Variants in CACNG7 observed in about 807,000 individuals in gnomAD.
The protein encoded by CACNG7 is voltage-dependent calcium channel gamma-7 subunit.
In CACNG7, 9 loss-of-function variants were observed where a neutral mutation model predicts 26.3. That is an observed-to-expected ratio of 0.34 (90% confidence interval 0.21 to 0.60). CACNG7 has a LOEUF of 0.60. Among genes scored for constraint, CACNG7 ranks in the 20% least tolerant of loss-of-function variants. CACNG7 has a pLI of 0.81. For synonymous variants in CACNG7, 170 were observed against 157.0 expected (o/e 1.08, Z -0.62); for missense variants, 297 against 380.4 (o/e 0.78, Z 1.82).
At chr19:53,933,868 C>A (rs901605648) in intron 4 of CACNG7, among the ~76,000 whole-genome samples, 1 of 151,834 alleles carries the variant, frequency 6.6e-6, no homozygotes, top group Admixed American at 6.6e-5. Context: ...GAATGTCCTG[C>A]ATCTTGGGTT....
In CACNG7 at chr19:53,915,400, A is replaced by G; in HGVS notation, c.319A>G (p.Ser107Gly). 6.2e-7 allele frequency: 1 copy of G among 1,613,524 alleles called. No homozygotes were observed. ...VRTATPFPMV[S>G]LFLVFTAFVI... ...CACGGCCACCCCCTTCCCCATGGTC[A>G]GCCTCTTCCTCGTGTTCACGGCCTT... The change falls in exon 4 of 6, where the codon AGC becomes GGC. Residue 107 changes from serine to glycine, a missense_variant. Coordinates refer to ENST00000391767, the MANE Select transcript of CACNG7 (RefSeq NM_031896.5).
chr19:53,934,342 G>A (rs768255680), intron 4 of CACNG7, among the ~76,000 whole-genome samples: 2 of 152,194 alleles, frequency 1.3e-5, no homozygotes, highest in Non-Finnish European at 2.9e-5. Context: ...CAGAGGTGCC[G>A]CTGCATACTT....
chr19:53,922,431 G>T (rs2068968567), intron 4 of CACNG7, among the ~76,000 whole-genome samples: 1 of 125,938 alleles, frequency 7.9e-6, no homozygotes, highest in African/African-American at 3.3e-5. Flanking sequence ...TCCCAGGTCT[G>T]GTCATTGGTG....
At chr19:53,911,715 G>T (rs1000646668) in intron 1 of CACNG7, among the ~76,000 whole-genome samples, 1 of 152,196 alleles carries the variant, frequency 6.6e-6, no homozygotes, top group Non-Finnish European at 1.5e-5. Flanking sequence ...ACAGGGCTGC[G>T]AGAGGACCAG....
At chr19:53,930,210 AT>A (rs200011995) in intron 4 of CACNG7, among the ~76,000 whole-genome samples, 12,776 of 136,306 alleles carry the variant, frequency 0.094, 1,626 homozygotes, top group African/African-American at 0.31. Context: ...CTACCTCACC[AT>A]TTTTTTTTTT....
intron 4 of CACNG7, among the ~76,000 whole-genome samples, chr19:53,922,075 T>C (rs1222216312): frequency 1.0e-5 from 1 of 99,160 alleles, no homozygotes; most frequent in Non-Finnish European, 1.9e-5. Context: ...GCCCCAGGTC[T>C]GGTATTGGTG....
In CACNG7 at chr19:53,914,441, C is replaced by T. The variant is rs1020625998; in HGVS notation, c.197-59C>T. 18 of 1,487,416 alleles carry T rather than the reference C, an allele frequency of 1.2e-5. No individual in the cohort carries two copies. The African/African-American group carries it at 2.4e-4, about 19-fold the overall frequency. The allele number at this position is 1,487,416 out of a possible 1,614,324, so 92.1% of individuals were successfully genotyped here. A position where few individuals can be genotyped will look rare whatever the true frequency, so the allele number is the denominator to read the frequency against. On this transcript the variant is annotated intron_variant, in intron 2 of 5. Coordinates refer to ENST00000391767, the MANE Select transcript of CACNG7 (RefSeq NM_031896.5). ...CCTCTATCTGTCCTGCCCCCACCCC[C>T]AGCCTCTCTAGAGCTTAGGAGCCTC...
At chr19:53,914,255 CA>C (rs1271009999) in intron 2 of CACNG7, among the ~76,000 whole-genome samples, 1 of 134,474 alleles carries the variant, frequency 7.4e-6, no homozygotes, top group Non-Finnish European at 1.5e-5. Context: ...GCCTGGGCAA[CA>C]GAGTGAGACT....
In CACNG7 at chr19:53,940,872, T is replaced by C. The variant is rs1266172713; in HGVS notation, c.425-598T>C. ...GAGTTTGAGACCAGCCTGGCCAACA[T>C]GGTGAAACCCCGTCTCTACTAAAAA... On this transcript the variant is annotated intron_variant, in intron 4 of 5. Coordinates refer to ENST00000391767, the MANE Select transcript of CACNG7 (RefSeq NM_031896.5). This position sits in a 1 kb window ranked among gnomAD's most constrained non-coding sequence, Gnocchi z 4.1. Among the ~76,000 whole-genome samples the C allele has an allele frequency of 6.6e-6, 1 of 151,436 alleles. No individual in the cohort carries two copies. Among genetic ancestry groups the C allele is most frequent in the South Asian group, 2.1e-4 (1 of 4,798 alleles).
intron 4 of CACNG7, among the ~76,000 whole-genome samples, chr19:53,933,738 AGACACAGATTGTCT>A (rs890556069): frequency 6.6e-6 from 1 of 150,640 alleles, no homozygotes; most frequent in Non-Finnish European, 1.5e-5. Context: ...TTACATCAAG[AGACACAGATTGTCT>A]GATTGTCTCT....
chr19:53,925,965 G>A (rs2069027887), intron 4 of CACNG7, among the ~76,000 whole-genome samples: 1 of 152,140 alleles, frequency 6.6e-6, no homozygotes, highest in Non-Finnish European at 1.5e-5. Flanking sequence ...GGTCATAAGA[G>A]GCATGTGCAT....
rs2068868733 is a variant in CACNG7, at chr19:53,912,784, T to C, written c.-29-19T>C. ...TGGTCGGTCCCATGGAGCTCTGCACTGTAGCTTCCCTTCCACAGGCCCCGC... is the reference window on the plus strand; with the variant it reads ...TGGTCGGTCCCATGGAGCTCTGCACCGTAGCTTCCCTTCCACAGGCCCCGC... On this transcript the variant is annotated intron_variant, in intron 1 of 5. Transcript: ENST00000391767. The surrounding 1 kb of genome is among the most constrained non-coding windows in gnomAD (Gnocchi z 4.6). 3 of 1,598,152 alleles carry C rather than the reference T, an allele frequency of 1.9e-6. No homozygotes were observed. The South Asian group carries it at 3.3e-5, about 18-fold the overall frequency.
intron 4 of CACNG7, among the ~76,000 whole-genome samples, chr19:53,927,036 T>C (rs1211471805): frequency 2.6e-5 from 4 of 152,078 alleles, no homozygotes. Context: ...TCTCCTGCCT[T>C]AGCCTCCCAT....
chr19:53,913,359 T>C (rs2068872895), intron 2 of CACNG7, among the ~76,000 whole-genome samples: 1 of 151,436 alleles, frequency 6.6e-6, no homozygotes, highest in Non-Finnish European at 1.5e-5. Context: ...CGGTGGCTCA[T>C]GCCTGTAATC....
chr19:53,922,924 G>C (rs2068975357), intron 4 of CACNG7, among the ~76,000 whole-genome samples: 3 of 89,058 alleles, frequency 3.4e-5, no homozygotes, highest in Non-Finnish European at 4.0e-5. Context: ...GTCATTGGTG[G>C]AGTTGTCCCA....
At chr19:53,928,341 G>A (rs901123752) in intron 4 of CACNG7, among the ~76,000 whole-genome samples, 8 of 151,786 alleles carry the variant, frequency 5.3e-5, no homozygotes, top group African/African-American at 9.7e-5. Flanking sequence ...GTGCAATGTC[G>A]GCTCACTGCT....
chr19:53,938,439 T>A (rs577009871), intron 4 of CACNG7, among the ~76,000 whole-genome samples: 1 of 152,028 alleles, frequency 6.6e-6, no homozygotes. Flanking sequence ...ACCGGACCAT[T>A]TATATACTGC....
At chr19:53,923,502 G>GC (rs1555810858) in intron 4 of CACNG7, among the ~76,000 whole-genome samples, 4 of 75,860 alleles carry the variant, frequency 5.3e-5, no homozygotes, top group African/African-American at 6.0e-5. Flanking sequence ...GTTGTCCCAG[G>GC]CTGGTCATTG....
Position 53,913,031 on chromosome 19 carries a change from C to T in CACNG7, c.196+4C>T, listed in dbSNP as rs932376482. 1.9e-6 allele frequency: 3 copies of T among 1,604,468 alleles called. No homozygotes were observed. Among genetic ancestry groups the T allele is most frequent in the Non-Finnish European group, 2.6e-6 (3 of 1,172,430 alleles). On this transcript the variant is annotated splice_donor_region_variant and intron_variant, in intron 2 of 5. Coordinates refer to ENST00000391767, the MANE Select transcript of CACNG7 (RefSeq NM_031896.5). ...TGGCGAGTCTGCTTCTTTGCAGGTA[C>T]AGCCCTCACCCGTCTTCCACTCAAC...
Sources: gnomAD v4.1 joint callset for allele counts (sites outside exome capture counted in the v4.1 genomes callset) on GRCh38, gnomAD v4.1.1 for gene constraint, Gnocchi (gnomAD v3.1) non-coding constraint, MANE v1.5 for transcripts, NCBI Gene and HGNC (gene_info 2026-07-23, HGNC 2026-07-21) for gene names.